The following NXPE2 variants were observed in gnomAD, a reference collection of about 807,000 sequenced individuals.
NXPE2 encodes neurexophilin and PC-esterase domain family member 2.
A neutral mutation model predicts 34.4 loss-of-function variants in NXPE2; 34 were observed. The ratio of observed to expected loss-of-function variants is 0.99; its 90% confidence interval spans 0.75 to 1.31. The LOEUF is 1.31. Among genes scored for constraint, NXPE2 ranks in the 40% most tolerant of loss-of-function variants. NXPE2 has a pLI of 0.00. For missense variants in NXPE2, 649 were observed against 672.5 expected (o/e 0.97, Z 0.39); for synonymous variants, 235 against 231.3 (o/e 1.02, Z -0.15).
the NXPE2 span, among the ~76,000 whole-genome samples, chr11:114,774,188 G>A: frequency 0.33 from 50,890 of 152,088 alleles, 8,963 homozygotes; most frequent in East Asian, 0.58. Flanking sequence ...TCAGTCTGGG[G>A]CTGTTTGCAC....
chr11:114,511,389 G>A, the NXPE2 span, among the ~76,000 whole-genome samples: 1 of 152,144 alleles, frequency 6.6e-6, no homozygotes, highest in African/African-American at 2.4e-5. Flanking sequence ...GAGACTCCGA[G>A]GCCATAAGCA....
chr11:114,663,670 CT>C, the NXPE2 span, among the ~76,000 whole-genome samples: 6 of 113,732 alleles, frequency 5.3e-5, no homozygotes, highest in Non-Finnish European at 9.3e-5. Context: ...TATCTATCAT[CT>C]ATCTATTTAT....
chr11:114,748,487 A>G, the NXPE2 span, among the ~76,000 whole-genome samples: 1 of 152,212 alleles, frequency 6.6e-6, no homozygotes, highest in Admixed American at 6.5e-5. Context: ...TTGTCTTCCC[A>G]GAGTCCCTCA....
At chr11:114,749,407 CA>C in the NXPE2 span, among the ~76,000 whole-genome samples, 4 of 152,112 alleles carry the variant, frequency 2.6e-5, no homozygotes, top group African/African-American at 9.7e-5. Flanking sequence ...CACAGATGTT[CA>C]AATCCCTTAT....
the NXPE2 span, among the ~76,000 whole-genome samples, chr11:114,719,038 T>G: frequency 6.6e-6 from 1 of 152,202 alleles, no homozygotes; most frequent in South Asian, 2.1e-4. Flanking sequence ...TTGGGAAGGA[T>G]GAGGAATTTA....
the NXPE2 span, among the ~76,000 whole-genome samples, chr11:114,638,877 G>A: frequency 6.6e-6 from 1 of 151,520 alleles, no homozygotes; most frequent in Non-Finnish European, 1.5e-5. Flanking sequence ...TGCCCCTACT[G>A]GGGGGTGCCT....
chr11:114,645,989 A>T, the NXPE2 span, among the ~76,000 whole-genome samples: 1 of 152,106 alleles, frequency 6.6e-6, no homozygotes, highest in Non-Finnish European at 1.5e-5. Context: ...CTCAGCATTT[A>T]TATCTATTGG....
chr11:114,582,407 G>A, the NXPE2 span: 3 of 1,614,176 alleles, frequency 1.9e-6, no homozygotes, highest in Non-Finnish European at 2.5e-6. Flanking sequence ...AGCCTTCTTG[G>A]TCTCTGTTGT....
the NXPE2 span, among the ~76,000 whole-genome samples, chr11:114,730,988 T>C: frequency 6.6e-6 from 1 of 152,170 alleles, no homozygotes; most frequent in Admixed American, 6.5e-5. Context: ...GGAAGAATGC[T>C]TCCCTCAGCT....
At chr11:114,733,383 G>A in the NXPE2 span, among the ~76,000 whole-genome samples, 1 of 152,146 alleles carries the variant, frequency 6.6e-6, no homozygotes, top group African/African-American at 2.4e-5. Flanking sequence ...GTGAGCCACC[G>A]TGCCCGGCCT....
At chr11:114,741,179 T>C in the NXPE2 span, among the ~76,000 whole-genome samples, 5 of 152,194 alleles carry the variant, frequency 3.3e-5, no homozygotes, top group Non-Finnish European at 7.4e-5. Context: ...TGGTTCCTGC[T>C]GATGTATCTG....
the NXPE2 span, chr11:114,518,421 CCA>C: frequency 6.6e-6 from 1 of 152,128 alleles, no homozygotes; most frequent in Non-Finnish European, 1.5e-5. Context: ...GAAGATGCTG[CCA>C]GCTACCAGCC....
the NXPE2 span, among the ~76,000 whole-genome samples, chr11:114,562,376 G>T: frequency 3.9e-5 from 6 of 152,150 alleles, no homozygotes; most frequent in Non-Finnish European, 2.9e-5. Context: ...CCCAGCCCTT[G>T]CACACATTCT....
At chr11:114,748,593 A>T in the NXPE2 span, among the ~76,000 whole-genome samples, 2 of 152,032 alleles carry the variant, frequency 1.3e-5, no homozygotes, top group Non-Finnish European at 2.9e-5. Flanking sequence ...TTCAATTTGC[A>T]TTTGTTTCAT....
the NXPE2 span, among the ~76,000 whole-genome samples, chr11:114,808,838 T>C: frequency 2.6e-5 from 4 of 152,182 alleles, no homozygotes; most frequent in Non-Finnish European, 5.9e-5. Flanking sequence ...GCCTAACTCA[T>C]TTTATGAGGC....
chr11:114,667,110 T>C, the NXPE2 span, among the ~76,000 whole-genome samples: 4 of 152,140 alleles, frequency 2.6e-5, no homozygotes, highest in East Asian at 7.7e-4. Flanking sequence ...GTGATGGCCA[T>C]GTGGTCCAGT....
chr11:114,774,601 G>T, the NXPE2 span, among the ~76,000 whole-genome samples: 11 of 152,218 alleles, frequency 7.2e-5, no homozygotes, highest in Admixed American at 7.2e-4. Context: ...GGCTCATTTT[G>T]TGTATGAGGA....
At chr11:114,636,183 T>C in the NXPE2 span, among the ~76,000 whole-genome samples, 43 of 152,156 alleles carry the variant, frequency 2.8e-4, 1 homozygote, top group East Asian at 8.3e-3. Context: ...CTTCCTGGTT[T>C]AGTCTTAGGA....
At chr11:114,744,836 T>C in the NXPE2 span, among the ~76,000 whole-genome samples, 8 of 152,012 alleles carry the variant, frequency 5.3e-5, no homozygotes, top group African/African-American at 1.9e-4. Flanking sequence ...TCTCACAATA[T>C]TATAAGTACG....
Sources: gnomAD v4.1 joint callset for allele counts (sites outside exome capture counted in the v4.1 genomes callset) on GRCh38, gnomAD v4.1.1 for gene constraint, MANE v1.5 for transcripts, NCBI Gene and HGNC (gene_info 2026-07-23, HGNC 2026-07-21) for gene names.